PAWR: variants seen among roughly 807,000 people sequenced by gnomAD.
PAWR encodes the protein PRKC apoptosis WT1 regulator protein.
Under a neutral mutation model 32.0 loss-of-function variants are expected in PAWR, and 23 were observed. The ratio of observed to expected loss-of-function variants is 0.72; its 90% CI spans 0.52 to 1.02. The LOEUF (loss-of-function observed/expected upper bound fraction) is 1.02, where lower values mean the gene tolerates loss of function less well. Among genes scored for constraint, PAWR ranks in the 50% least tolerant of loss-of-function variants. The probability of loss-of-function intolerance (pLI) is 0.00; values close to 1 mark genes in which losing one functional copy is unlikely to be tolerated. For synonymous variants in PAWR, 226 were observed against 187.1 expected (o/e 1.21, Z -1.70); for missense variants, 457 against 437.7 (o/e 1.04, Z -0.39).
chr12:79,675,556 A>T (rs1173375346), intron 2 of PAWR, among the ~76,000 whole-genome samples: 1 of 152,196 alleles, frequency 6.6e-6, no homozygotes, highest in Non-Finnish European at 1.5e-5. Flanking sequence ...ACACAGCCAT[A>T]AAAAAGAACA....
intron 3 of PAWR, among the ~76,000 whole-genome samples, chr12:79,613,981 T>A (rs11114193): frequency 0.12 from 467 of 3,776 alleles, no homozygotes; most frequent in South Asian, 0.34. Context: ...ATATATATAT[T>A]TTTTTTTTTT....
rs953098222 is a variant in PAWR at position 79,585,191 on chromosome 12, T to C, written c.*7416A>G. ...CAAAAACAAACAAAAAACAAGTTCA[T>C]GTTATTTCTACAATGTCCAAAAAGA... On this transcript the variant is annotated 3_prime_UTR_variant, in exon 7 of 7. Coordinates refer to ENST00000328827, the MANE Select transcript of PAWR (RefSeq NM_002583.4). 2.2e-6 allele frequency: 1 copy of C among 451,196 alleles called. No homozygotes were observed. Among genetic ancestry groups the C allele is most frequent in the African/African-American group, 2.0e-5 (1 of 49,710 alleles). The allele number at this position is 451,196 out of a possible 1,614,324, so 27.9% of individuals were successfully genotyped here.
chr12:79,602,821 G>A (rs909390324), intron 4 of PAWR, among the ~76,000 whole-genome samples: 1 of 150,058 alleles, frequency 6.7e-6, no homozygotes, highest in Non-Finnish European at 1.5e-5. Context: ...GACCAGGCTG[G>A]TCTCAAACTC....
chr12:79,638,345 T>C (rs1252868348), intron 2 of PAWR, among the ~76,000 whole-genome samples: 1 of 152,172 alleles, frequency 6.6e-6, no homozygotes, highest in Non-Finnish European at 1.5e-5. Flanking sequence ...GTCAATTTCA[T>C]TTCTTAGTAC....
intron 2 of PAWR, among the ~76,000 whole-genome samples, chr12:79,640,068 C>T (rs970013474): frequency 1.1e-4 from 16 of 152,126 alleles, no homozygotes; most frequent in African/African-American, 2.7e-4. Flanking sequence ...ACACACCTGG[C>T]TAATTTTTGT....
At chr12:79,682,901 T>C (rs535740078) in intron 2 of PAWR, among the ~76,000 whole-genome samples, 115 of 152,332 alleles carry the variant, frequency 7.5e-4, no homozygotes, top group Admixed American at 2.0e-3. Context: ...TTGATAGTAG[T>C]TTGATAAGAT....
chr12:79,681,703 T>A (rs1878457408), intron 2 of PAWR, among the ~76,000 whole-genome samples: 1 of 152,202 alleles, frequency 6.6e-6, no homozygotes, highest in South Asian at 2.1e-4. Flanking sequence ...GCCTTTTTTT[T>A]AACACATTAC....
chr12:79,604,823 C>T (rs1874105414), intron 4 of PAWR: 2 of 425,434 alleles, frequency 4.7e-6, no homozygotes, highest in Non-Finnish European at 3.8e-6. Context: ...AAAATTGATA[C>T]ATATTTATTA....
intron 2 of PAWR, among the ~76,000 whole-genome samples, chr12:79,684,874 T>G (rs546313402): frequency 2.0e-5 from 3 of 152,326 alleles, no homozygotes; most frequent in Non-Finnish European, 4.4e-5. Flanking sequence ...TACACTGAAG[T>G]GTAGTAAGAT....
chr12:79,677,155 GTAGTAAATGTATGC>G (rs1282345968), intron 2 of PAWR, among the ~76,000 whole-genome samples: 1 of 146,310 alleles, frequency 6.8e-6, no homozygotes, highest in Non-Finnish European at 1.5e-5. Context: ...TACTAACAAG[GTAGTAAATGTATGC>G]TAGCTATACC....
At chr12:79,680,045 T>C (rs1164196970) in intron 2 of PAWR, among the ~76,000 whole-genome samples, 3 of 152,236 alleles carry the variant, frequency 2.0e-5, no homozygotes, top group Non-Finnish European at 4.4e-5. Flanking sequence ...TTGATGGGGA[T>C]ACAGATATCT....
At chr12:79,663,776 A>C (rs1877463735) in intron 2 of PAWR, among the ~76,000 whole-genome samples, 2 of 152,146 alleles carry the variant, frequency 1.3e-5, no homozygotes, top group African/African-American at 4.8e-5. Context: ...AAACCAAAAA[A>C]AAAAACCCTA....
At chr12:79,636,497 G>A (rs911454751) in intron 2 of PAWR, among the ~76,000 whole-genome samples, 2 of 151,972 alleles carry the variant, frequency 1.3e-5, no homozygotes, top group African/African-American at 2.4e-5. Flanking sequence ...AAAATACAAT[G>A]TTAAAAATTT....
In PAWR at chr12:79,616,181, G is replaced by A. The variant is rs182191032; in HGVS notation, c.649-2572C>T. 3.4e-3 allele frequency among the ~76,000 whole-genome samples: 520 copies of A among 151,974 alleles called. 2 individuals are homozygous for A. The highest frequency in any genetic ancestry group is 0.027 in the South Asian group (128 of 4,816). Reference sequence around the variant, plus strand: ...TACCCTATATGAACTAAACTAAGGCGTATGATGTCTGACTACACATGCATG... The same window carrying A: ...TACCCTATATGAACTAAACTAAGGCATATGATGTCTGACTACACATGCATG... On this transcript the variant is annotated intron_variant, in intron 3 of 6. Coordinates refer to ENST00000328827, the MANE Select transcript of PAWR (RefSeq NM_002583.4).
Position 79,690,246 on chromosome 12 carries a change from T to C in PAWR, c.-2A>G. 2.0e-6 allele frequency: 3 copies of C among 1,503,446 alleles called. No homozygotes were observed. Among genetic ancestry groups the C allele is most frequent in the Non-Finnish European group, 2.7e-6 (3 of 1,130,766 alleles). 93.1% of individuals were successfully genotyped at this position (1,503,446 alleles called of 1,614,324 possible). ...GGTCCGGTAGCCACCGGTCGCCATA[T>C]TCCCAAAGGGGCCGGTCGGGCTCTC... On this transcript the variant is annotated 5_prime_UTR_variant, in exon 2 of 7. Transcript: ENST00000328827.
intron 4 of PAWR, among the ~76,000 whole-genome samples, chr12:79,612,703 G>A (rs1874496324): frequency 6.6e-6 from 1 of 152,154 alleles, no homozygotes; most frequent in Non-Finnish European, 1.5e-5. Context: ...GACACAGTAA[G>A]TACTCAATAA....
intron 2 of PAWR, among the ~76,000 whole-genome samples, chr12:79,684,849 G>T (rs560864565): frequency 6.6e-6 from 1 of 151,970 alleles, no homozygotes; most frequent in Admixed American, 6.6e-5. Context: ...CTTAAACTAG[G>T]TATACAGTAT....
chr12:79,673,507 A>G (rs535341806), intron 2 of PAWR, among the ~76,000 whole-genome samples: 1 of 152,326 alleles, frequency 6.6e-6, no homozygotes, highest in East Asian at 1.9e-4. Flanking sequence ...TTGCTTAGTC[A>G]CTAGAGCAGC....
At chr12:79,597,736 T>C (rs1284395790) in intron 4 of PAWR, 2 of 152,196 alleles carry the variant, frequency 1.3e-5, no homozygotes. Flanking sequence ...CATATGTCAG[T>C]ATTTAAAGTT....
Sources: allele counts gnomAD v4.1 joint callset (sites outside exome capture counted in the v4.1 genomes callset), GRCh38; gene constraint gnomAD v4.1.1; transcripts MANE v1.5; gene names NCBI Gene and HGNC (gene_info 2026-07-23, HGNC 2026-07-21).